The following KL variants were observed in gnomAD, a reference collection of about 807,000 sequenced individuals.
KL encodes klotho.
KL carries 62 observed loss-of-function variants against 84.2 expected under a neutral mutation model. The ratio of observed to expected loss-of-function variants is 0.74; its 90% confidence interval spans 0.60 to 0.91. The LOEUF is 0.91. Ranked by LOEUF, KL falls within the 40% of genes least tolerant of loss-of-function variation. KL has a pLI of 0.00. For missense variants in KL, 1,261 were observed against 1,305.7 expected (o/e 0.97, Z 0.53); for synonymous variants, 528 against 528.0 (o/e 1.00, Z 0.00).
intron 3 of KL, among the ~76,000 whole-genome samples, chr13:33,060,109 C>A (rs1872116545): frequency 6.6e-6 from 1 of 151,960 alleles, no homozygotes; most frequent in Non-Finnish European, 1.5e-5. Flanking sequence ...GACTACAGGC[C>A]CGTGCCACCA....
At position 33,064,035 on chromosome 13, in the gene KL, G is replaced by A; in HGVS notation, c.2888G>A (p.Cys963Tyr). The A allele has an allele frequency of 1.2e-6, 2 of 1,614,156 alleles. No individual in the cohort carries two copies. Among genetic ancestry groups the A allele is most frequent in the Non-Finnish European group, 1.7e-6 (2 of 1,180,008 alleles). ...FPGPETLERFCPEEFTVCTEC... is the reference protein window; with the variant it reads ...FPGPETLERFYPEEFTVCTEC... ...GGCCCAGAAACTCTGGAAAGATTTT[G>A]TCCAGAAGAATTCACCGTGTGTACT... The change falls in exon 5 of 5, where the codon TGT becomes TAT. Residue 963 changes from cysteine to tyrosine, a missense_variant. Transcript: ENST00000380099.
intron 1 of KL, among the ~76,000 whole-genome samples, chr13:33,038,465 T>C (rs550591325): frequency 3.7e-4 from 56 of 152,338 alleles, no homozygotes; most frequent in African/African-American, 1.3e-3. Flanking sequence ...CTAGAAAAGA[T>C]AGTCCAATTA....
chr13:33,060,246 A>G (rs531453406), intron 3 of KL, among the ~76,000 whole-genome samples: 1 of 152,158 alleles, frequency 6.6e-6, no homozygotes, highest in East Asian at 1.9e-4. Context: ...CACCTGGCCA[A>G]CTCACTCACA....
chr13:33,050,835 C>G (rs1386902324), intron 1 of KL, among the ~76,000 whole-genome samples: 2 of 152,228 alleles, frequency 1.3e-5, no homozygotes, highest in African/African-American at 4.8e-5. Flanking sequence ...AAAAGACACT[C>G]TCACTTGCAT....
chr13:33,060,808 G>A lies in KL; in HGVS notation c.1729G>A (p.Ala577Thr), dbSNP rs1872148755. ...GAAATCCTACTGTGTTGACTTTGCTGCCATCCAGCCCCAGATCGCTTTACT... is the reference window on the plus strand; with the variant it reads ...GAAATCCTACTGTGTTGACTTTGCTACCATCCAGCCCCAGATCGCTTTACT... ...KRKSYCVDFA[A>T]IQPQIALLQE... The change falls in exon 4 of 5, where the codon GCC (alanine) becomes ACC (threonine). Residue 577 changes from alanine (A) to threonine (T), a missense_variant. Coordinates refer to ENST00000380099, the MANE Select transcript of KL (RefSeq NM_004795.4). The A allele has an allele frequency of 1.9e-6, 3 of 1,614,100 alleles. No homozygotes were observed. Among genetic ancestry groups the A allele is most frequent in the South Asian group, 2.2e-5 (2 of 91,088 alleles).
chr13:33,047,351 A>C (rs889721522), intron 1 of KL, among the ~76,000 whole-genome samples: 89 of 110,542 alleles, frequency 8.1e-4, no homozygotes, highest in Middle Eastern at 0.011. Context: ...TCTAAAATCT[A>C]CTTTCTTTTT....
At position 33,060,666 on chromosome 13, in the gene KL, C is replaced by T. The variant is rs974634440; in HGVS notation, c.1600-13C>T. 1.9e-6 allele frequency: 3 copies of T among 1,614,162 alleles called. No individual in the cohort carries two copies. Among genetic ancestry groups the T allele is most frequent in the South Asian group, 2.2e-5 (2 of 91,078 alleles). ...TGCCCAGGTGACGCTAATGTTTACT[C>T]TGCCCTTCACAGGTAGATACCACTC... On this transcript the variant is annotated splice_polypyrimidine_tract_variant and intron_variant, in intron 3 of 4. Coordinates refer to ENST00000380099, the MANE Select transcript of KL (RefSeq NM_004795.4).
At chr13:33,029,425 A>C in intron 1 of KL, among the ~76,000 whole-genome samples, 1 of 152,204 alleles carries the variant, frequency 6.6e-6, no homozygotes, top group East Asian at 1.9e-4. Flanking sequence ...TGAACCAATG[A>C]ATACTCTTAA....
chr13:33,037,549 C>T (rs138578929), intron 1 of KL, among the ~76,000 whole-genome samples: 32 of 152,194 alleles, frequency 2.1e-4, no homozygotes, highest in African/African-American at 7.5e-4. Flanking sequence ...TGTATCCATG[C>T]CTTTTGTCAT....
At position 33,061,069 on chromosome 13, in the gene KL, C is replaced by T; in HGVS notation, c.1990C>T (p.Leu664=). ...QGAWENPYTA[L]AFAEYARLCF... ...CGCCTGGGAGAACCCCTACACTGCC[C>T]TGGCCTTTGCAGAGTATGCCCGACT... Residue 664 remains leucine, a synonymous_variant, in exon 4 of 5, where the codon CTG becomes TTG. Transcript: ENST00000380099. 1 of 1,613,038 alleles carries T rather than the reference C, an allele frequency of 6.2e-7. No individual in the cohort carries two copies. Among genetic ancestry groups the T allele is most frequent in the Middle Eastern group, 1.7e-4 (1 of 6,060 alleles).
chr13:33,063,384 C>T (rs1045291140), intron 4 of KL, among the ~76,000 whole-genome samples: 1 of 152,004 alleles, frequency 6.6e-6, no homozygotes, highest in Non-Finnish European at 1.5e-5. Context: ...GATAATTTGC[C>T]TATTTGGCTT....
At position 33,020,057 on chromosome 13, in the gene KL, G is replaced by A. The variant is rs557237760; in HGVS notation, c.819+2798G>A. Among the ~76,000 whole-genome samples, 10 of 152,254 alleles carry A rather than the reference G, an allele frequency of 6.6e-5. 1 individual carries two copies. The highest frequency in any genetic ancestry group is 2.2e-4 in the African/African-American group (9 of 41,530). Reference sequence around the variant, plus strand: ...GATTAGAATCAAGTTGGAAATACACGTGTTCCCATTTCCCACCTTCAACTC... The same window carrying A: ...GATTAGAATCAAGTTGGAAATACACATGTTCCCATTTCCCACCTTCAACTC... On this transcript the variant is annotated intron_variant, in intron 1 of 4. Transcript: ENST00000380099.
At chr13:33,038,854 A>G (rs925816317) in intron 1 of KL, among the ~76,000 whole-genome samples, 2 of 152,246 alleles carry the variant, frequency 1.3e-5, no homozygotes, top group African/African-American at 2.4e-5. Flanking sequence ...GAAAAACAAT[A>G]TAGTAAATAA....
In KL at chr13:33,016,472, GGCC is replaced by G. The variant is rs1050352800; in HGVS notation, c.43_45del (p.Pro15del). On this transcript the variant is annotated inframe_deletion, in exon 1 of 5. Coordinates refer to ENST00000380099, the MANE Select transcript of KL (RefSeq NM_004795.4). ...GCCAGCGCCCCGCCGCGCCGCCCGC[GGCC>G]GCCGCCGCCGTCGCTGTCGCTGCTG... 7 of 1,062,590 alleles carry G rather than the reference GGCC, an allele frequency of 6.6e-6. No individual in the cohort carries two copies. The Admixed American group carries it at 1.7e-4, about 25-fold the overall frequency. 65.8% of individuals were successfully genotyped at this position (1,062,590 alleles called of 1,614,324 possible). A position where few individuals can be genotyped will look rare whatever the true frequency, so the allele number is the denominator to read the frequency against.
chr13:33,055,070 G>A lies in KL; in HGVS notation c.1354G>A (p.Val452Ile). 6.2e-7 allele frequency: 1 copy of A among 1,614,218 alleles called. No homozygotes were observed. The highest frequency in any genetic ancestry group is 2.2e-5 in the East Asian group (1 of 44,884). ...AGCCATCAAGCTGGATGGGGTGGAT[G>A]TCATCGGGTATACCGCATGGTCCCT... ...LKAIKLDGVD[V>I]IGYTAWSLMD... Residue 452 changes from valine (V) to isoleucine (I), a missense_variant, in exon 3 of 5, where the codon GTC becomes ATC. Coordinates refer to ENST00000380099, the MANE Select transcript of KL (RefSeq NM_004795.4).
In KL at chr13:33,061,412, T is replaced by C; in HGVS notation, c.2333T>C (p.Leu778Pro). ...TATCCATGGGTGATGAGGGACTGGCTGAACCAAAGAAACAATTTTCTTCTT... is the reference window on the plus strand; with the variant it reads ...TATCCATGGGTGATGAGGGACTGGCCGAACCAAAGAAACAATTTTCTTCTT... ...GDYPWVMRDW[L>P]NQRNNFLLPY... is the part of the protein sequence containing the mutation. The change falls in exon 4 of 5, where the codon CTG (leucine) becomes CCG (proline). Residue 778 changes from leucine (L) to proline (P), a missense_variant. Leu to Pro is a moderately conservative substitution (Grantham distance 98). Coordinates refer to ENST00000380099, the MANE Select transcript of KL (RefSeq NM_004795.4). The C allele has an allele frequency of 6.2e-7, 1 of 1,614,210 alleles. No homozygotes were observed.
intron 3 of KL, among the ~76,000 whole-genome samples, chr13:33,056,922 C>T (rs1871984577): frequency 1.3e-5 from 2 of 152,196 alleles, no homozygotes; most frequent in South Asian, 4.1e-4. Flanking sequence ...CCCCGACTCT[C>T]TCCTTCTCTC....
intron 1 of KL, among the ~76,000 whole-genome samples, chr13:33,025,225 G>A (rs1870727068): frequency 6.6e-6 from 1 of 152,176 alleles, no homozygotes; most frequent in Admixed American, 6.5e-5. Context: ...AGGTAGTACG[G>A]GAGCAGTCAG....
chr13:33,017,335 G>A (rs1870405648), intron 1 of KL, 76 bp downstream of exon 1: 2 of 1,324,918 alleles, frequency 1.5e-6, no homozygotes, highest in African/African-American at 1.5e-5. Flanking sequence ...GGAAGTGTGG[G>A]AACTGAGTCT....
Sources: gnomAD v4.1 joint callset for allele counts (sites outside exome capture counted in the v4.1 genomes callset) on GRCh38, gnomAD v4.1.1 for gene constraint, MANE v1.5 for transcripts, NCBI Gene and HGNC (gene_info 2026-07-23, HGNC 2026-07-21) for gene names.